The following CMIP variants were observed in gnomAD, a reference collection of about 807,000 sequenced individuals.
CMIP encodes the protein C-Maf-inducing protein.
Under a neutral mutation model 97.3 loss-of-function variants are expected in CMIP, and 13 were observed. The ratio of observed to expected loss-of-function variants is 0.13; its 90% CI spans 0.09 to 0.21. The LOEUF is 0.21. Ranked by LOEUF, CMIP falls within the 10% of genes least tolerant of loss-of-function variation. The probability of loss-of-function intolerance (pLI) is 1.00; values close to 1 mark genes in which losing one functional copy is unlikely to be tolerated. For missense variants in CMIP, 847 were observed against 1,024.9 expected (o/e 0.83, Z 2.37); for synonymous variants, 538 against 436.3 (o/e 1.23, Z -2.91).
intron 1 of CMIP, among the ~76,000 whole-genome samples, chr16:81,571,163 A>G (rs2091080209): frequency 1.3e-5 from 2 of 152,174 alleles, no homozygotes; most frequent in Non-Finnish European, 2.9e-5. Flanking sequence ...ATTCTCAAAA[A>G]TAAAATCTGT....
intron 1 of CMIP, among the ~76,000 whole-genome samples, chr16:81,587,502 A>G (rs2150913547): frequency 6.6e-6 from 1 of 152,284 alleles, no homozygotes; most frequent in African/African-American, 2.4e-5. Flanking sequence ...CAGCTGCTGC[A>G]CAGATTGCGC....
At chr16:81,612,365 A>T (rs2091845944) in intron 2 of CMIP, among the ~76,000 whole-genome samples, 1 of 152,032 alleles carries the variant, frequency 6.6e-6, no homozygotes, top group African/African-American at 2.4e-5. Flanking sequence ...TCTTCTCACC[A>T]ATGTTCTGGA....
At chr16:81,639,370 G>C (rs145789782) in intron 3 of CMIP, among the ~76,000 whole-genome samples, 2 of 152,298 alleles carry the variant, frequency 1.3e-5, no homozygotes, top group East Asian at 3.9e-4. Flanking sequence ...TCCGTCTCCA[G>C]AACTTTCTCC....
intron 1 of CMIP, among the ~76,000 whole-genome samples, chr16:81,463,244 G>C (rs764531330): frequency 6.6e-6 from 1 of 152,138 alleles, no homozygotes; most frequent in Non-Finnish European, 1.5e-5. Context: ...CATTGTCTTT[G>C]TTTCTCCCCA....
chr16:81,535,466 C>CT (rs34961950), intron 1 of CMIP, among the ~76,000 whole-genome samples: 2,016 of 134,366 alleles, frequency 0.015, 20 homozygotes, highest in Non-Finnish European at 0.019. Flanking sequence ...CACTGGAATG[C>CT]TTTTTTTTTT....
chr16:81,640,331 C>T (rs1345262548), intron 3 of CMIP, among the ~76,000 whole-genome samples: 1 of 149,190 alleles, frequency 6.7e-6, no homozygotes, highest in African/African-American at 2.5e-5. Context: ...CCAACCAATT[C>T]CAAACCCAGC....
At chr16:81,669,202 A>G (rs1258411876) in intron 7 of CMIP, among the ~76,000 whole-genome samples, 1 of 107,392 alleles carries the variant, frequency 9.3e-6, no homozygotes, top group African/African-American at 3.9e-5. Flanking sequence ...TTCCACACCC[A>G]TCTCTCACAC....
intron 1 of CMIP, among the ~76,000 whole-genome samples, chr16:81,552,632 G>T (rs539806112): frequency 6.6e-6 from 1 of 152,250 alleles, no homozygotes; most frequent in African/African-American, 2.4e-5. Flanking sequence ...TCGACAATCT[G>T]GGAGAATCTC....
chr16:81,611,614 C>G (rs1421212329), intron 2 of CMIP, among the ~76,000 whole-genome samples: 1 of 152,074 alleles, frequency 6.6e-6, no homozygotes, highest in Non-Finnish European at 1.5e-5. Flanking sequence ...TCTCTTTAGT[C>G]CTTGCTGTGG....
chr16:81,678,482 G>C lies in CMIP; in HGVS notation c.1242G>C (p.Pro414=), dbSNP rs35429777. ...TGGAACGCACCAGCACTGCCAAGCC[G>C]GCGCTGACGGCCAGCGCAGGCAACG... The part of the protein sequence containing the change: ...VEVERTSTAK[P]ALTASAGNDS... The change falls in exon 10 of 21, where the codon CCG becomes CCC. Residue 414 remains proline, a synonymous_variant. Coordinates refer to ENST00000537098, the MANE Select transcript of CMIP (RefSeq NM_198390.3). 6.3e-7 allele frequency: 1 copy of C among 1,595,146 alleles called. No homozygotes were observed. Among genetic ancestry groups the C allele is most frequent in the Non-Finnish European group, 8.5e-7 (1 of 1,171,746 alleles).
chr16:81,476,179 G>A, intron 1 of CMIP: 1 of 1,231,964 alleles, frequency 8.1e-7, no homozygotes, highest in South Asian at 1.2e-5. Flanking sequence ...GGCAGTGCGT[G>A]TGGAAAACTG....
At chr16:81,489,869 G>A (rs140651610) in intron 1 of CMIP, among the ~76,000 whole-genome samples, 2 of 152,368 alleles carry the variant, frequency 1.3e-5, no homozygotes, top group East Asian at 1.9e-4. Flanking sequence ...CCAGTGCTAG[G>A]AATTTGACCT....
rs1234278648 is a variant in CMIP, at chr16:81,616,253, A to G, written c.427-4623A>G. On this transcript the variant is annotated intron_variant, in intron 2 of 20. Coordinates refer to ENST00000537098, the MANE Select transcript of CMIP (RefSeq NM_198390.3). This position sits in a 1 kb window ranked among gnomAD's most constrained non-coding sequence, Gnocchi z 4.7. The stretch of plus-strand genomic sequence containing the variant: ...TCCCAATCCTGTGGGTGGGACATAA[A>G]TACCCAGCCAGCCTCAGGGTGTGGG... Among the ~76,000 whole-genome samples, 1 of 151,684 alleles carries G rather than the reference A, an allele frequency of 6.6e-6. No individual in the cohort carries two copies. Among genetic ancestry groups the G allele is most frequent in the Non-Finnish European group, 1.5e-5 (1 of 67,968 alleles).
intron 1 of CMIP, among the ~76,000 whole-genome samples, chr16:81,499,882 C>G (rs2089564153): frequency 6.6e-6 from 1 of 152,270 alleles, no homozygotes; most frequent in Non-Finnish European, 1.5e-5. Flanking sequence ...GCGAGACTCT[C>G]CTATTTTGGC....
At chr16:81,587,970 A>G (rs1168585162) in intron 1 of CMIP, among the ~76,000 whole-genome samples, 2 of 152,216 alleles carry the variant, frequency 1.3e-5, no homozygotes, top group African/African-American at 4.8e-5. Context: ...GCGCTGAGGC[A>G]GGAACGGTCA....
chr16:81,444,941 C>T lies in CMIP; in HGVS notation c.-301C>T, dbSNP rs1292601310. On this transcript the variant is annotated 5_prime_UTR_variant, in exon 1 of 21. Transcript: ENST00000537098. Reference sequence around the variant, plus strand: ...GCCCTCCGCGCCTGGCCCCGGCCCGCCCTCGGCCTCCCCCGCCCCTCCCCG... The same window carrying T: ...GCCCTCCGCGCCTGGCCCCGGCCCGTCCTCGGCCTCCCCCGCCCCTCCCCG... Among the ~76,000 whole-genome samples the T allele has an allele frequency of 7.1e-6, 1 of 140,088 alleles. No homozygotes were observed. Among genetic ancestry groups the T allele is most frequent in the African/African-American group, 2.6e-5 (1 of 38,924 alleles). The allele number at this position is 140,088 out of a possible 152,430, so 91.9% of individuals were successfully genotyped here.
Position 81,664,441 on chromosome 16 carries a change from G to A in CMIP, c.825+92G>A, listed in dbSNP as rs1472301177. 3.9e-6 allele frequency: 5 copies of A among 1,288,866 alleles called. No homozygotes were observed. In the African/African-American group the frequency reaches 5.9e-5, roughly 15 times the overall value. 79.8% of individuals were successfully genotyped at this position (1,288,866 alleles called of 1,614,324 possible). Reference sequence around the variant, plus strand: ...GCCTTTTGCGTTGGCACAGATTTGGGGAATGTGGTTGGCCCAGCGTGACAG... The same window carrying A: ...GCCTTTTGCGTTGGCACAGATTTGGAGAATGTGGTTGGCCCAGCGTGACAG... On this transcript the variant is annotated intron_variant, in intron 7 of 20. Transcript: ENST00000537098.
At chr16:81,471,408 A>G (rs956811386) in intron 1 of CMIP, among the ~76,000 whole-genome samples, 1 of 139,416 alleles carries the variant, frequency 7.2e-6, no homozygotes, top group Admixed American at 8.0e-5. Context: ...GTACAAATGC[A>G]TACACACATA....
rs2091681713 is a variant in CMIP at position 81,602,949 on chromosome 16, G to A, written c.301-4618G>A. Among the ~76,000 whole-genome samples, 5 of 152,306 alleles carry A rather than the reference G, an allele frequency of 3.3e-5. No homozygotes were observed. In the South Asian group the frequency reaches 1.0e-3, roughly 32 times the overall value. The stretch of plus-strand genomic sequence containing the variant: ...AGAACGGCAGAGGTGCCTGGGCAGT[G>A]TTAGCTCATATCTGAGCCCAAGGAA... On this transcript the variant is annotated intron_variant, in intron 1 of 20. Coordinates refer to ENST00000537098, the MANE Select transcript of CMIP (RefSeq NM_198390.3).
Sources: gnomAD v4.1 joint callset for allele counts (sites outside exome capture counted in the v4.1 genomes callset) on GRCh38, gnomAD v4.1.1 for gene constraint, Gnocchi (gnomAD v3.1) non-coding constraint, MANE v1.5 for transcripts, NCBI Gene and HGNC (gene_info 2026-07-23, HGNC 2026-07-21) for gene names.